DENND5B: variants seen among roughly 807,000 people sequenced by gnomAD.
The protein encoded by DENND5B is DENN domain-containing protein 5B.
Under a neutral mutation model 140.6 loss-of-function variants are expected in DENND5B, and 34 were observed. The ratio of observed to expected loss-of-function variants is 0.24; its 90% CI spans 0.18 to 0.32. The LOEUF (loss-of-function observed/expected upper bound fraction) is 0.32. DENND5B is among the 10% of genes least tolerant of loss of function. DENND5B has a pLI of 1.00. For synonymous variants in DENND5B, 551 were observed against 562.1 expected (o/e 0.98, Z 0.28); for missense variants, 1,142 against 1,560.2 (o/e 0.73, Z 4.52).
At chr12:31,481,018 G>C (rs1012355677) in intron 2 of DENND5B, among the ~76,000 whole-genome samples, 11 of 152,030 alleles carry the variant, frequency 7.2e-5, no homozygotes, top group African/African-American at 2.4e-4. Flanking sequence ...AATTAGAATT[G>C]ATTCTTTAAA....
intron 9 of DENND5B, among the ~76,000 whole-genome samples, chr12:31,425,940 T>C (rs1311268284): frequency 1.3e-5 from 2 of 152,196 alleles, no homozygotes; most frequent in African/African-American, 2.4e-5. Flanking sequence ...ACAAATAAGG[T>C]TGTACACAGG....
At chr12:31,540,088 T>A (rs1321812746) in intron 1 of DENND5B, among the ~76,000 whole-genome samples, 1 of 151,694 alleles carries the variant, frequency 6.6e-6, no homozygotes, top group Non-Finnish European at 1.5e-5. Context: ...TAGCAAACAA[T>A]CTAAAAAAGA....
chr12:31,511,562 A>G (rs1947418848), intron 1 of DENND5B, among the ~76,000 whole-genome samples: 1 of 148,086 alleles, frequency 6.8e-6, no homozygotes. Context: ...TAACAGAGAT[A>G]GCACTGTGAA....
At chr12:31,420,743 C>T (rs965442212) in intron 11 of DENND5B, among the ~76,000 whole-genome samples, 5 of 152,118 alleles carry the variant, frequency 3.3e-5, no homozygotes, top group East Asian at 3.9e-4. Flanking sequence ...CACACTCAGT[C>T]CTCCCAACGA....
At chr12:31,423,052 T>C (rs1943097183) in intron 11 of DENND5B, among the ~76,000 whole-genome samples, 1 of 151,882 alleles carries the variant, frequency 6.6e-6, no homozygotes, top group Non-Finnish European at 1.5e-5. Context: ...GCGATTCTCC[T>C]GCCTCAGCCT....
At chr12:31,569,895 T>TA (rs763649659) in intron 1 of DENND5B, among the ~76,000 whole-genome samples, 23 of 151,826 alleles carry the variant, frequency 1.5e-4, no homozygotes, top group Non-Finnish European at 1.8e-4. Flanking sequence ...CAACTCATTC[T>TA]AAAAAATTAC....
At chr12:31,527,573 T>A (rs1376471972) in intron 1 of DENND5B, among the ~76,000 whole-genome samples, 1 of 151,886 alleles carries the variant, frequency 6.6e-6, no homozygotes, top group Non-Finnish European at 1.5e-5. Flanking sequence ...AGGTCAGGAG[T>A]TCGAGACCAG....
chr12:31,580,987 C>T (rs1950194156), intron 1 of DENND5B, among the ~76,000 whole-genome samples: 1 of 152,090 alleles, frequency 6.6e-6, no homozygotes, highest in Non-Finnish European at 1.5e-5. Context: ...CACCTACAGT[C>T]CAAGCTACTT....
intron 8 of DENND5B, among the ~76,000 whole-genome samples, chr12:31,431,846 A>C (rs1217666870): frequency 6.6e-6 from 1 of 152,190 alleles, no homozygotes. Context: ...AGAATTACTC[A>C]TATTAGCACA....
At chr12:31,521,046 C>T (rs955178457) in intron 1 of DENND5B, among the ~76,000 whole-genome samples, 2 of 151,700 alleles carry the variant, frequency 1.3e-5, no homozygotes, top group Non-Finnish European at 2.9e-5. Flanking sequence ...ACTCAAGTCA[C>T]ATGTGGCTAA....
At chr12:31,560,570 G>A (rs1227243848) in intron 1 of DENND5B, among the ~76,000 whole-genome samples, 6 of 152,134 alleles carry the variant, frequency 3.9e-5, no homozygotes, top group African/African-American at 1.4e-4. Context: ...TCTTAATACA[G>A]CTAGCTGCCA....
At chr12:31,411,944 G>A (rs1942482527) in intron 13 of DENND5B, among the ~76,000 whole-genome samples, 1 of 152,096 alleles carries the variant, frequency 6.6e-6, no homozygotes, top group Non-Finnish European at 1.5e-5. Flanking sequence ...AAATATAAGG[G>A]CAATATATTT....
At chr12:31,584,810 G>C (rs903271779) in intron 1 of DENND5B, among the ~76,000 whole-genome samples, 1 of 151,972 alleles carries the variant, frequency 6.6e-6, no homozygotes, top group African/African-American at 2.4e-5. Flanking sequence ...CTGGGTAACA[G>C]AGACTCTGTC....
intron 1 of DENND5B, among the ~76,000 whole-genome samples, chr12:31,587,459 CATCT>C (rs987068124): frequency 5.4e-5 from 8 of 146,966 alleles, no homozygotes; most frequent in African/African-American, 2.0e-4. Flanking sequence ...CTACCTTCAA[CATCT>C]ATCTAGAATC....
At chr12:31,514,717 T>G (rs536403824) in intron 1 of DENND5B, among the ~76,000 whole-genome samples, 1 of 151,928 alleles carries the variant, frequency 6.6e-6, no homozygotes, top group Non-Finnish European at 1.5e-5. Flanking sequence ...CTCGGGAGGC[T>G]AGGGCAGGAG....
chr12:31,509,213 C>T (rs1346974234), intron 1 of DENND5B, among the ~76,000 whole-genome samples: 1 of 152,180 alleles, frequency 6.6e-6, no homozygotes, highest in Non-Finnish European at 1.5e-5. Context: ...GCAGCCTCAA[C>T]ATCAACGTTT....
At chr12:31,551,764 T>G (rs1172015460) in intron 1 of DENND5B, among the ~76,000 whole-genome samples, 1 of 152,238 alleles carries the variant, frequency 6.6e-6, no homozygotes, top group Non-Finnish European at 1.5e-5. Flanking sequence ...TAGTTCTCCT[T>G]GAAGAGGCCC....
chr12:31,386,880 GTAAAGAAGT>G lies in DENND5B; in HGVS notation c.*714_*722del, dbSNP rs1269025967. The G allele has an allele frequency of 1.8e-4, 27 of 152,292 alleles. No homozygotes were observed. The highest frequency in any genetic ancestry group is 6.5e-4 in the African/African-American group (27 of 41,564). The allele number at this position is 152,292 out of a possible 1,614,324, so 9.4% of individuals were successfully genotyped here. On this transcript the variant is annotated 3_prime_UTR_variant, in exon 21 of 21. Transcript: ENST00000389082. ...TAGTCTAGGCTAATCTTTCCGAAGTGTAAAGAAGTTATAATCCCACAATTGAACACATTT... is the reference window on the plus strand; with the variant it reads ...TAGTCTAGGCTAATCTTTCCGAAGTGTATAATCCCACAATTGAACACATTT...
chr12:31,384,652 T>C lies in DENND5B; in HGVS notation c.*2951A>G, dbSNP rs188997563. On this transcript the variant is annotated 3_prime_UTR_variant, in exon 21 of 21. Transcript: ENST00000389082. ...TTAAATCATCATTTCACCATTATAG[T>C]AATATTACACAAAGGCATGAAGATG... 6.6e-6 allele frequency: 1 copy of C among 152,322 alleles called. No homozygotes were observed. The highest frequency in any genetic ancestry group is 1.9e-4 in the East Asian group (1 of 5,190). The allele number at this position is 152,322 out of a possible 1,614,324, so 9.4% of individuals were successfully genotyped here. A position where few individuals can be genotyped will look rare whatever the true frequency, so the allele number is the denominator to read the frequency against.
Sources: gnomAD v4.1 joint callset for allele counts (sites outside exome capture counted in the v4.1 genomes callset) on GRCh38, gnomAD v4.1.1 for gene constraint, MANE v1.5 for transcripts, NCBI Gene and HGNC (gene_info 2026-07-23, HGNC 2026-07-21) for gene names.